The following OTC variants were observed in gnomAD, a reference collection of about 807,000 sequenced individuals.
OTC encodes the protein ornithine transcarbamylase, mitochondrial.
A neutral mutation model predicts 30.3 loss-of-function variants in OTC; 3 were observed. That is an observed-to-expected ratio of 0.10 (90% CI 0.05 to 0.26). The LOEUF (loss-of-function observed/expected upper bound fraction) is 0.26, where lower values mean the gene tolerates loss of function less well. Ranked by LOEUF, OTC falls within the 10% of genes least tolerant of loss-of-function variation. The probability of loss-of-function intolerance (pLI) is 1.00; values close to 1 mark genes in which losing one functional copy is unlikely to be tolerated. For missense variants in OTC, 194 were observed against 260.3 expected (o/e 0.75, Z 1.75); for synonymous variants, 111 against 99.7 (o/e 1.11, Z -0.67).
At position 38,403,589 on chromosome X, in the gene OTC, T is replaced by C. The variant is rs1161835923; in HGVS notation, c.541-29T>C. 3 of 1,205,483 alleles carry C rather than the reference T, an allele frequency of 2.5e-6. No homozygotes were observed. In the East Asian group the frequency reaches 8.9e-5, roughly 36 times the overall value. On this transcript the variant is annotated intron_variant, in intron 5 of 9. Coordinates refer to ENST00000039007, the MANE Select transcript of OTC (RefSeq NM_000531.6). ...ACACATAAGCGAATTTACGCCTGGA[T>C]TTCATCTCCTTCATCCCGTGCCTTT...
the OTC span, among the ~76,000 whole-genome samples, chrX:38,332,730 G>C: frequency 3.7e-5 from 4 of 108,133 alleles, no homozygotes; most frequent in Non-Finnish European, 5.7e-5. Flanking sequence ...AATCTCAGTG[G>C]CTTAACACAA....
At chrX:38,339,598 A>C in the OTC span, among the ~76,000 whole-genome samples, 1 of 105,403 alleles carries the variant, frequency 9.5e-6, no homozygotes, top group African/African-American at 3.5e-5. Context: ...ATTTTGACCC[A>C]GTTTCTTATT....
chrX:38,409,163 G>T, intron 8 of OTC, 138 bp downstream of exon 8: 1 of 663,653 alleles, frequency 1.5e-6, no homozygotes, highest in Non-Finnish European at 2.4e-6. Context: ...ATCCCCTAGG[G>T]ACTTCTCTCC....
chrX:38,330,780 G>A, the OTC span, among the ~76,000 whole-genome samples: 1 of 111,598 alleles, frequency 9.0e-6, no homozygotes, highest in Non-Finnish European at 1.9e-5. Flanking sequence ...TTTTTTGGGA[G>A]CCCTCTCCAA....
chrX:38,334,800 C>A, the OTC span, among the ~76,000 whole-genome samples: 293 of 111,624 alleles, frequency 2.6e-3, no homozygotes, highest in African/African-American at 9.0e-3. Flanking sequence ...AGACCTCTAC[C>A]GGTCTGGTCC....
intron 9 of OTC, among the ~76,000 whole-genome samples, chrX:38,419,445 T>A (rs750881035): frequency 1.8e-5 from 2 of 110,941 alleles, no homozygotes; most frequent in Non-Finnish European, 3.8e-5. Flanking sequence ...ATTTTTACAT[T>A]AATTCTTTCA....
At chrX:38,369,696 T>A (rs374233667) in intron 2 of OTC, 100 bp from the exon 3 acceptor site, 52 of 401,889 alleles carry the variant, frequency 1.3e-4, no homozygotes, top group African/African-American at 1.1e-3. Flanking sequence ...AAACACTTAT[T>A]TGGGGGTAGT....
chrX:38,352,484 G>A, upstream of OTC: 1 of 405,682 alleles, frequency 2.5e-6, no homozygotes, highest in Non-Finnish European at 4.3e-6. Context: ...AAAATACACA[G>A]CGGTGGAGCT....
the OTC span, among the ~76,000 whole-genome samples, chrX:38,339,334 A>G: frequency 2.7e-5 from 3 of 111,245 alleles, no homozygotes; most frequent in Admixed American, 2.9e-4. Context: ...GGAAGGTACT[A>G]TGCTTACATG....
intron 9 of OTC, among the ~76,000 whole-genome samples, chrX:38,418,886 C>T (rs760534625): frequency 3.6e-5 from 4 of 111,764 alleles, no homozygotes; most frequent in Non-Finnish European, 5.6e-5. Flanking sequence ...TTCCCAGTCT[C>T]GGGTATGTCT....
chrX:38,400,838 T>C (rs754796292), intron 4 of OTC, among the ~76,000 whole-genome samples: 2 of 112,851 alleles, frequency 1.8e-5, no homozygotes, highest in Non-Finnish European at 3.7e-5. Context: ...GATCTGTGTG[T>C]GCACTTCCAT....
chrX:38,418,988 T>G (rs1332957100), intron 9 of OTC, among the ~76,000 whole-genome samples: 1 of 112,150 alleles, frequency 8.9e-6, no homozygotes, highest in Non-Finnish European at 1.9e-5. Flanking sequence ...ATTTAAGTCT[T>G]TAATCCATTT....
intron 3 of OTC, chrX:38,373,837 A>T (rs1446410780): frequency 4.5e-5 from 5 of 112,308 alleles, no homozygotes; most frequent in African/African-American, 1.6e-4. Context: ...GCAAAATAAG[A>T]TTTACTTTTA....
upstream of OTC, among the ~76,000 whole-genome samples, chrX:38,351,596 C>T (rs1356907850): frequency 8.9e-6 from 1 of 111,877 alleles, no homozygotes; most frequent in African/African-American, 3.3e-5. Context: ...TTTGAATCAC[C>T]TGATTTCTAA....
chrX:38,360,497 T>C (rs1323321470), intron 1 of OTC, among the ~76,000 whole-genome samples: 1 of 111,833 alleles, frequency 8.9e-6, no homozygotes, highest in Non-Finnish European at 1.9e-5. Context: ...TGAAGACTAC[T>C]TAGACAGTAG....
At chrX:38,389,535 G>A (rs1243395492) in intron 4 of OTC, among the ~76,000 whole-genome samples, 2 of 111,923 alleles carry the variant, frequency 1.8e-5, no homozygotes, top group Non-Finnish European at 3.8e-5. Context: ...TATATCTCAT[G>A]AGGTAGTAAT....
chrX:38,414,007 G>T (rs1426247383), intron 9 of OTC, among the ~76,000 whole-genome samples: 3 of 111,214 alleles, frequency 2.7e-5, no homozygotes, highest in Non-Finnish European at 5.7e-5. Flanking sequence ...TATTGCAGGT[G>T]CCACCATCCT....
At chrX:38,382,886 T>C (rs1414898211) in intron 4 of OTC, among the ~76,000 whole-genome samples, 4 of 111,435 alleles carry the variant, frequency 3.6e-5, no homozygotes, top group Non-Finnish European at 7.5e-5. Context: ...GCAGTGCAGG[T>C]TGGCAGTCAG....
At chrX:38,338,266 T>C in the OTC span, among the ~76,000 whole-genome samples, 2 of 112,334 alleles carry the variant, frequency 1.8e-5, no homozygotes, top group African/African-American at 6.5e-5. Flanking sequence ...TTATAAGAAA[T>C]AGCCACCTCA....
Sources: allele counts gnomAD v4.1 joint callset (sites outside exome capture counted in the v4.1 genomes callset), GRCh38; gene constraint gnomAD v4.1.1; transcripts MANE v1.5; gene names NCBI Gene and HGNC (gene_info 2026-07-23, HGNC 2026-07-21).